Variants in PAM observed in about 807,000 individuals in gnomAD.
PAM encodes peptidyl-glycine alpha-amidating monooxygenase.
A neutral mutation model predicts 122.1 loss-of-function variants in PAM; 72 were observed. The ratio of observed to expected loss-of-function variants is 0.59; its 90% CI spans 0.49 to 0.72. The LOEUF is 0.72. Ranked by LOEUF, PAM falls within the 30% of genes least tolerant of loss-of-function variation. The pLI is 0.00. For synonymous variants in PAM, 389 were observed against 404.4 expected (o/e 0.96, Z 0.46); for missense variants, 1,106 against 1,183.7 (o/e 0.93, Z 0.96).
At chr5:102,928,225 G>A (rs1750270744) in intron 7 of PAM, among the ~76,000 whole-genome samples, 1 of 152,174 alleles carries the variant, frequency 6.6e-6, no homozygotes, top group East Asian at 1.9e-4. Flanking sequence ...CCTCAGCGTT[G>A]TAAGGACCCC....
At chr5:102,840,008 C>T (rs1438261736) in intron 1 of PAM, among the ~76,000 whole-genome samples, 2 of 152,098 alleles carry the variant, frequency 1.3e-5, no homozygotes, top group Non-Finnish European at 2.9e-5. Context: ...AATCATTATA[C>T]TAGAGGTTCT....
intron 1 of PAM, among the ~76,000 whole-genome samples, chr5:102,822,160 GC>G (rs1317228804): frequency 6.6e-6 from 1 of 152,096 alleles, no homozygotes; most frequent in Non-Finnish European, 1.5e-5. Flanking sequence ...ATTATGGCCG[GC>G]CCCCTGAGCA....
intron 1 of PAM, among the ~76,000 whole-genome samples, chr5:102,807,049 A>G (rs955099517): frequency 1.3e-5 from 2 of 152,238 alleles, no homozygotes; most frequent in African/African-American, 4.8e-5. Flanking sequence ...GTACGGAATG[A>G]CAACCTTCAT....
chr5:102,966,726 G>A (rs1764189305), intron 14 of PAM, among the ~76,000 whole-genome samples: 1 of 152,076 alleles, frequency 6.6e-6, no homozygotes, highest in East Asian at 1.9e-4. Flanking sequence ...TATGTTCCAT[G>A]GCTCTAATCA....
At chr5:102,914,345 T>G (rs144401272) in intron 5 of PAM, among the ~76,000 whole-genome samples, 90 of 152,116 alleles carry the variant, frequency 5.9e-4, no homozygotes, top group Admixed American at 1.2e-3. Flanking sequence ...GGATACTATG[T>G]TAACTATTTG....
chr5:102,817,478 A>C (rs1350597573), intron 1 of PAM, among the ~76,000 whole-genome samples: 1 of 152,188 alleles, frequency 6.6e-6, no homozygotes, highest in Non-Finnish European at 1.5e-5. Context: ...TTACTTAGTG[A>C]AATAATATTT....
At chr5:102,811,359 A>G (rs1298078979) in intron 1 of PAM, among the ~76,000 whole-genome samples, 4 of 152,222 alleles carry the variant, frequency 2.6e-5, no homozygotes, top group Admixed American at 2.0e-4. Flanking sequence ...TTCTAGGGCC[A>G]TCTGCATTCC....
intron 5 of PAM, among the ~76,000 whole-genome samples, chr5:102,921,941 G>T (rs1747582264): frequency 6.6e-6 from 1 of 152,016 alleles, no homozygotes; most frequent in African/African-American, 2.4e-5. Context: ...CAACTTGCTG[G>T]CAGTGTTCTT....
chr5:102,865,900 G>T lies in PAM; in HGVS notation c.-296G>T. The T allele has an allele frequency of 2.9e-6, 1 of 343,798 alleles. No individual in the cohort carries two copies. The highest frequency in any genetic ancestry group is 5.2e-6 in the Non-Finnish European group (1 of 193,074). 21.3% of individuals were successfully genotyped at this position (343,798 alleles called of 1,614,324 possible). A position where few individuals can be genotyped will look rare whatever the true frequency, so the allele number is the denominator to read the frequency against. On this transcript the variant is annotated 5_prime_UTR_variant, in exon 2 of 26. Coordinates refer to ENST00000438793, the MANE Select transcript of PAM (RefSeq NM_001177306.2). ...CATTCCGGAGTCATAAGGCACCCGCGCGTCTAGCCCCAGCGCCAGGGCACG... is the reference window on the plus strand; with the variant it reads ...CATTCCGGAGTCATAAGGCACCCGCTCGTCTAGCCCCAGCGCCAGGGCACG...
At chr5:102,794,830 T>C (rs1762939995) in intron 1 of PAM, among the ~76,000 whole-genome samples, 1 of 152,136 alleles carries the variant, frequency 6.6e-6, no homozygotes, top group Non-Finnish European at 1.5e-5. Context: ...CTTAGGTTAT[T>C]TGGCTTTCCT....
At chr5:102,891,108 A>C (rs756799002) in intron 3 of PAM, among the ~76,000 whole-genome samples, 4 of 151,918 alleles carry the variant, frequency 2.6e-5, no homozygotes, top group Non-Finnish European at 5.9e-5. Context: ...ATAGGATCAA[A>C]TCCTTTATAA....
chr5:102,883,010 C>T (rs567150080), intron 3 of PAM, among the ~76,000 whole-genome samples: 3 of 151,096 alleles, frequency 2.0e-5, no homozygotes, highest in Middle Eastern at 3.2e-3. Context: ...TTTGCTTTGT[C>T]GAAGATCAGT....
chr5:102,940,187 A>G (rs1466007436), intron 7 of PAM, among the ~76,000 whole-genome samples: 7 of 151,336 alleles, frequency 4.6e-5, no homozygotes, highest in African/African-American at 1.7e-4. Flanking sequence ...CACCCTCAAG[A>G]CTATTCAAAA....
chr5:102,877,280 G>C (rs1789526021), intron 3 of PAM, among the ~76,000 whole-genome samples: 1 of 152,180 alleles, frequency 6.6e-6, no homozygotes. Flanking sequence ...GATTAGTTAA[G>C]AAATGTTAGC....
chr5:102,804,165 A>G (rs527325289), intron 1 of PAM, among the ~76,000 whole-genome samples: 21 of 152,330 alleles, frequency 1.4e-4, no homozygotes, highest in Non-Finnish European at 2.6e-4. Flanking sequence ...TTAAAGTATC[A>G]GGAGGTCTCT....
intron 7 of PAM, among the ~76,000 whole-genome samples, chr5:102,931,805 A>ACTCTCTCTCTCTCTCTCT (rs879417466): frequency 2.1e-3 from 288 of 140,308 alleles, no homozygotes; most frequent in African/African-American, 7.4e-3. Flanking sequence ...AACAAACAAC[A>ACTCTCTCTCTCTCTCTCT]CACTCTCTCT....
intron 1 of PAM, among the ~76,000 whole-genome samples, chr5:102,779,880 C>CATAT (rs1561422931): frequency 1.4e-5 from 1 of 69,312 alleles, no homozygotes; most frequent in African/African-American, 7.2e-5. Context: ...AATAAACTCC[C>CATAT]ATATACATAT....
chr5:103,005,030 T>C (rs905409698), intron 17 of PAM, 124 bp from the exon 18 acceptor site: 1 of 618,290 alleles, frequency 1.6e-6, no homozygotes, highest in South Asian at 2.1e-5. Flanking sequence ...TTTTCTATAA[T>C]AATGCAAGTA....
chr5:102,820,788 T>C (rs946896942), intron 1 of PAM, among the ~76,000 whole-genome samples: 1 of 152,134 alleles, frequency 6.6e-6, no homozygotes, highest in Non-Finnish European at 1.5e-5. Context: ...GTAGTACTTA[T>C]GGGAAAAACG....
Sources: gnomAD v4.1 joint callset for allele counts (sites outside exome capture counted in the v4.1 genomes callset) on GRCh38, gnomAD v4.1.1 for gene constraint, MANE v1.5 for transcripts, NCBI Gene and HGNC (gene_info 2026-07-23, HGNC 2026-07-21) for gene names.